Variants in RBFOX3 observed in about 807,000 individuals in gnomAD.
RBFOX3 encodes RNA binding protein fox-1 homolog 3.
RBFOX3 carries 17 observed loss-of-function variants against 48.7 expected under a neutral mutation model. The ratio of observed to expected loss-of-function variants is 0.35; its 90% CI spans 0.24 to 0.52. The LOEUF (loss-of-function observed/expected upper bound fraction) is 0.52. RBFOX3 is among the 20% of genes least tolerant of loss of function. The probability of loss-of-function intolerance (pLI) is 0.94; values close to 1 mark genes in which losing one functional copy is unlikely to be tolerated. For synonymous variants in RBFOX3, 212 were observed against 209.5 expected (o/e 1.01, Z -0.10); for missense variants, 382 against 497.5 (o/e 0.77, Z 2.21).
chr17:79,446,288 C>A (rs571127622), intron 2 of RBFOX3, among the ~76,000 whole-genome samples: 1 of 152,194 alleles, frequency 6.6e-6, no homozygotes, highest in Non-Finnish European at 1.5e-5. Context: ...TCCAGCAGCT[C>A]CTCTCTCTGC....
chr17:79,504,235 C>T (rs1441741007), intron 1 of RBFOX3, among the ~76,000 whole-genome samples: 8 of 152,332 alleles, frequency 5.3e-5, no homozygotes, highest in South Asian at 4.1e-4. Context: ...TAGCAGGAGC[C>T]GCCGTAACAA....
At chr17:79,175,049 T>G (rs893955124) in intron 4 of RBFOX3, among the ~76,000 whole-genome samples, 38 of 152,142 alleles carry the variant, frequency 2.5e-4, no homozygotes, top group African/African-American at 9.2e-4. Context: ...GCCTCTTCCT[T>G]CCTCTTCCTC....
At chr17:79,502,555 C>T (rs1013213165) in intron 1 of RBFOX3, among the ~76,000 whole-genome samples, 1 of 152,196 alleles carries the variant, frequency 6.6e-6, no homozygotes, top group Admixed American at 6.5e-5. Flanking sequence ...AATGTTTCAC[C>T]ATGATACAAC....
intron 2 of RBFOX3, among the ~76,000 whole-genome samples, chr17:79,370,046 T>C (rs527734276): frequency 2.0e-5 from 3 of 152,160 alleles, no homozygotes; most frequent in East Asian, 3.9e-4. Flanking sequence ...AGCAAGGGAG[T>C]TCACACCTGG....
At chr17:79,415,030 C>A (rs116849874) in intron 2 of RBFOX3, among the ~76,000 whole-genome samples, 2 of 152,178 alleles carry the variant, frequency 1.3e-5, no homozygotes, top group Non-Finnish European at 2.9e-5. Context: ...CTCATCGCCA[C>A]GGTCCACATG....
intron 1 of RBFOX3, among the ~76,000 whole-genome samples, chr17:79,573,817 G>A (rs2092766570): frequency 6.6e-6 from 1 of 152,170 alleles, no homozygotes; most frequent in Non-Finnish European, 1.5e-5. Context: ...GCCCGGTGGG[G>A]GGAGGGTGCC....
At chr17:79,143,379 GT>G (rs1215296668) in intron 4 of RBFOX3, among the ~76,000 whole-genome samples, 2,964 of 53,724 alleles carry the variant, frequency 0.055, 149 homozygotes, top group Non-Finnish European at 0.08. Context: ...GGAGCGGGGG[GT>G]GGGGGGGGGT....
In RBFOX3 at chr17:79,152,988, C is replaced by A. The variant is rs941157615; in HGVS notation, c.-33-37240G>T. Among the ~76,000 whole-genome samples the A allele has an allele frequency of 2.6e-5, 4 of 152,184 alleles. No homozygotes were observed. The East Asian group carries it at 7.7e-4, about 29-fold the overall frequency. On this transcript the variant is annotated intron_variant, in intron 4 of 14. Coordinates refer to ENST00000693108, the MANE Select transcript of RBFOX3 (RefSeq NM_001350451.2). ...CTGGAGGTGGCTGCGGTCGGGTGGGCCCGCTGTCCAGATACCCCGCCCCAC... is the reference window on the plus strand; with the variant it reads ...CTGGAGGTGGCTGCGGTCGGGTGGGACCGCTGTCCAGATACCCCGCCCCAC...
chr17:79,369,375 C>A (rs2058218442), intron 2 of RBFOX3, among the ~76,000 whole-genome samples: 1 of 150,200 alleles, frequency 6.7e-6, no homozygotes, highest in African/African-American at 2.4e-5. Context: ...GCCCTGGACC[C>A]TGACCGTGAC....
chr17:79,321,495 AT>A (rs1488974712), intron 2 of RBFOX3, among the ~76,000 whole-genome samples: 2 of 152,184 alleles, frequency 1.3e-5, no homozygotes, highest in South Asian at 4.2e-4. Flanking sequence ...CAGACATCTA[AT>A]TTTCCCATGG....
Position 79,213,712 on chromosome 17 carries a change from C to T in RBFOX3, c.-34+22054G>A, listed in dbSNP as rs181485343. 6.8e-3 allele frequency among the ~76,000 whole-genome samples: 1,033 copies of T among 152,326 alleles called. 5 individuals carry two copies. The highest frequency in any genetic ancestry group is 0.011 in the Non-Finnish European group (733 of 68,030). On this transcript the variant is annotated intron_variant, in intron 4 of 14. Coordinates refer to ENST00000693108, the MANE Select transcript of RBFOX3 (RefSeq NM_001350451.2). The stretch of plus-strand genomic sequence containing the variant: ...CTAACAGGGTGTATCCACTCGGCAC[C>T]GCCAACAAATGTTGACCAGCTGATA...
At chr17:79,325,322 C>T (rs1245136886) in intron 2 of RBFOX3, among the ~76,000 whole-genome samples, 1 of 152,116 alleles carries the variant, frequency 6.6e-6, no homozygotes, top group East Asian at 1.9e-4. Context: ...GTTTATAGCT[C>T]CCTGGGCTCA....
chr17:79,510,522 C>G (rs2149839482), intron 1 of RBFOX3, among the ~76,000 whole-genome samples: 1 of 152,196 alleles, frequency 6.6e-6, no homozygotes, highest in East Asian at 1.9e-4. Context: ...GCCTGCGCAG[C>G]CCCTCCATCC....
chr17:79,346,553 C>G (rs994370792), intron 2 of RBFOX3, among the ~76,000 whole-genome samples: 5 of 152,168 alleles, frequency 3.3e-5, no homozygotes, highest in Non-Finnish European at 7.3e-5. Context: ...CTCCTTCATG[C>G]TCTGCTCCTC....
At chr17:79,565,272 G>C (rs2092413109) in intron 1 of RBFOX3, among the ~76,000 whole-genome samples, 1 of 151,536 alleles carries the variant, frequency 6.6e-6, no homozygotes, top group Non-Finnish European at 1.5e-5. Context: ...TCTACTTTTT[G>C]CAAAGAGACA....
In RBFOX3 at chr17:79,115,528, C is replaced by T; in HGVS notation, c.188G>A (p.Ser63Asn). ...CTGGGTCCCGGCGATGGGCTGTGTG[C>T]TGGCCTCGGAGCCTGGCTGCTCGGG... Reference protein sequence around the residue: ...THPEQPGSEASTQPIAGTQTV... With the variant: ...THPEQPGSEANTQPIAGTQTV... The change falls in exon 5 of 15, where the codon AGC (serine) becomes AAC (asparagine). Residue 63 changes from serine to asparagine, a missense_variant. This residue lies in a region of RBFOX3 where 118 missense variants were observed against 132.1 expected (regional missense o/e 0.89). Coordinates refer to ENST00000693108, the MANE Select transcript of RBFOX3 (RefSeq NM_001350451.2). The T allele has an allele frequency of 1.5e-6, 2 of 1,345,524 alleles. No homozygotes were observed. Among genetic ancestry groups the T allele is most frequent in the Non-Finnish European group, 9.6e-7 (1 of 1,046,674 alleles). 83.3% of individuals were successfully genotyped at this position (1,345,524 alleles called of 1,614,324 possible).
At chr17:79,409,912 G>A (rs909811466) in intron 2 of RBFOX3, among the ~76,000 whole-genome samples, 6 of 152,206 alleles carry the variant, frequency 3.9e-5, no homozygotes, top group African/African-American at 1.4e-4. Flanking sequence ...GGGGTCAAGT[G>A]GCCTCAGCCT....
chr17:79,527,872 C>T (rs1432950480), intron 1 of RBFOX3, among the ~76,000 whole-genome samples: 2 of 152,142 alleles, frequency 1.3e-5, no homozygotes, highest in African/African-American at 4.8e-5. Context: ...AGGGGCGGTT[C>T]GGGGTCTCAG....
rs2078489955 is a variant in RBFOX3, at chr17:79,479,656, C to G, written c.-175+2798G>C. On this transcript the variant is annotated intron_variant, in intron 2 of 14. Coordinates refer to ENST00000693108, the MANE Select transcript of RBFOX3 (RefSeq NM_001350451.2). The surrounding 1 kb of genome is among the most constrained non-coding windows in gnomAD (Gnocchi z 5.1). ...CCACCAACCCTGGACTTCCCAGACG[C>G]TCCCTCGGGGGTGGGCTGGTCTTGT... is the stretch of plus-strand genomic sequence containing the variant. Among the ~76,000 whole-genome samples the G allele has an allele frequency of 6.6e-6, 1 of 152,236 alleles. No homozygotes were observed. The highest frequency in any genetic ancestry group is 6.5e-5 in the Admixed American group (1 of 15,288).
Sources: gnomAD v4.1 joint callset for allele counts (sites outside exome capture counted in the v4.1 genomes callset) on GRCh38, gnomAD v4.1.1 for gene constraint, gnomAD v4.1.1 regional missense constraint, Gnocchi (gnomAD v3.1) non-coding constraint, MANE v1.5 for transcripts, NCBI Gene and HGNC (gene_info 2026-07-23, HGNC 2026-07-21) for gene names.